ZFHX3: variants seen among roughly 807,000 people sequenced by gnomAD.
ZFHX3 encodes zinc finger homeobox 3.
A neutral mutation model predicts 279.1 loss-of-function variants in ZFHX3; 42 were observed. The ratio of observed to expected loss-of-function variants is 0.15; its 90% confidence interval spans 0.12 to 0.19. The LOEUF is 0.19. ZFHX3 is among the 10% of genes least tolerant of loss of function. The pLI is 1.00. For synonymous variants in ZFHX3, 2,293 were observed against 1,957.8 expected (o/e 1.17, Z -4.52); for missense variants, 4,981 against 4,754.0 (o/e 1.05, Z -1.40).
intron 2 of ZFHX3, among the ~76,000 whole-genome samples, chr16:73,526,086 C>T (rs1385873486): frequency 2.6e-5 from 4 of 152,284 alleles, no homozygotes; most frequent in Non-Finnish European, 2.9e-5. Flanking sequence ...GGTCCCTGTC[C>T]GGCACACAAT....
chr16:73,794,276 A>AC (rs898086384), intron 1 of ZFHX3: 21 of 151,860 alleles, frequency 1.4e-4, no homozygotes, highest in African/African-American at 4.8e-4. Context: ...CCATGAGGAG[A>AC]CCCCTAGGCC....
intron 3 of ZFHX3, among the ~76,000 whole-genome samples, chr16:72,932,005 T>A (rs1320480847): frequency 6.6e-6 from 1 of 152,342 alleles, no homozygotes; most frequent in African/African-American, 2.4e-5. Context: ...AAGCTGTGTA[T>A]TTCTAGATTG....
intron 4 of ZFHX3, among the ~76,000 whole-genome samples, chr16:72,836,553 C>G (rs533369534): frequency 6.6e-5 from 10 of 152,118 alleles, no homozygotes; most frequent in Non-Finnish European, 1.2e-4. Flanking sequence ...ACATCGTACA[C>G]TCAGCATCTT....
chr16:73,890,916 G>A (rs1200139522), intron 1 of ZFHX3, among the ~76,000 whole-genome samples: 2 of 151,588 alleles, frequency 1.3e-5, no homozygotes, highest in African/African-American at 2.4e-5. Context: ...CATTCTGTGA[G>A]CTGGTGACAT....
upstream of ZFHX3, among the ~76,000 whole-genome samples, chr16:73,063,609 C>T (rs1278163127): frequency 6.6e-6 from 1 of 151,904 alleles, no homozygotes; most frequent in East Asian, 1.9e-4. Context: ...TAAAAATCAC[C>T]CCCCCTCCCC....
chr16:73,670,037 C>G (rs923934191), intron 2 of ZFHX3, among the ~76,000 whole-genome samples: 1 of 152,078 alleles, frequency 6.6e-6, no homozygotes, highest in African/African-American at 2.4e-5. Context: ...GCAGCGACAC[C>G]AGGAAGGATA....
At chr16:73,297,063 G>C (rs1375182059) in intron 4 of ZFHX3, among the ~76,000 whole-genome samples, 2 of 151,544 alleles carry the variant, frequency 1.3e-5, no homozygotes, top group Non-Finnish European at 2.9e-5. Flanking sequence ...ATTTTTAGTA[G>C]AGACAGGGTT....
chr16:73,469,292 G>A (rs2018622470), intron 2 of ZFHX3, among the ~76,000 whole-genome samples: 1 of 152,164 alleles, frequency 6.6e-6, no homozygotes, highest in Non-Finnish European at 1.5e-5. Flanking sequence ...GAACTTCAGG[G>A]AAGCAGCAAG....
At chr16:73,613,462 G>C (rs1425958360) in intron 2 of ZFHX3, among the ~76,000 whole-genome samples, 4 of 150,682 alleles carry the variant, frequency 2.7e-5, no homozygotes. Context: ...TTGTTTTTTG[G>C]ATGTGAGGCA....
chr16:73,496,447 C>T (rs938290947), intron 2 of ZFHX3, among the ~76,000 whole-genome samples: 5 of 152,202 alleles, frequency 3.3e-5, no homozygotes, highest in Non-Finnish European at 7.3e-5. Context: ...AGGAGAATCG[C>T]TTGAACTGGG....
rs1394310083 is a variant in ZFHX3 at position 72,797,591 on chromosome 16, A to C, written c.5091T>G (p.Ile1697Met). 6.2e-7 allele frequency: 1 copy of C among 1,613,840 alleles called. No individual in the cohort carries two copies. Residue 1697 changes from isoleucine to methionine, a missense_variant, in exon 9 of 10, where the codon ATT becomes ATG. Around this residue, in one of 7 missense-constraint regions of ZFHX3, gnomAD observed 1,751 missense variants for 1,770.0 expected, o/e 0.99. Coordinates refer to ENST00000268489, the MANE Select transcript of ZFHX3 (RefSeq NM_006885.4). Reference sequence around the variant, plus strand: ...CTGAAGGGGAAGCAATGTTGGCACCAATAGGATTCCCCAGGGGTGGCATCC... The same window carrying C: ...CTGAAGGGGAAGCAATGTTGGCACCCATAGGATTCCCCAGGGGTGGCATCC... ...SVGMPPLGNPIGANIASPSEP... is the reference protein window; with the variant it reads ...SVGMPPLGNPMGANIASPSEP...
chr16:72,795,635 C>T lies in ZFHX3; in HGVS notation c.7047G>A (p.Lys2349=). 1 of 1,613,628 alleles carries T rather than the reference C, an allele frequency of 6.2e-7. No individual in the cohort carries two copies. Among genetic ancestry groups the T allele is most frequent in the East Asian group, 2.2e-5 (1 of 44,854 alleles). The change falls in exon 9 of 10, where the codon AAG becomes AAA. Residue 2349 remains lysine (K), a synonymous_variant. Transcript: ENST00000268489. ...CCTCATCCTCATCCTTGTAACACAG[C>T]TTCTTCTGGTGCTTGATGAGATCAA... ...RIFDLIKHQK[K]LCYKDEDEEG... is the part of the protein sequence containing the mutation.
intron 1 of ZFHX3, among the ~76,000 whole-genome samples, chr16:73,699,408 T>C (rs1323364133): frequency 1.3e-5 from 2 of 152,220 alleles, no homozygotes; most frequent in Non-Finnish European, 2.9e-5. Context: ...GGACTGCCTG[T>C]CTGTCTCAGT....
intron 3 of ZFHX3, among the ~76,000 whole-genome samples, chr16:72,913,475 GAGAAT>G (rs1163910965): frequency 6.6e-6 from 1 of 152,184 alleles, no homozygotes; most frequent in Non-Finnish European, 1.5e-5. Flanking sequence ...GATTTCTGGA[GAGAAT>G]GCCACCAAGG....
intron 7 of ZFHX3, among the ~76,000 whole-genome samples, chr16:73,101,681 C>A (rs1388266151): frequency 2.6e-5 from 4 of 151,690 alleles, no homozygotes; most frequent in Non-Finnish European, 5.9e-5. Flanking sequence ...GGATTACAGG[C>A]GTGAGCCACT....
At chr16:72,969,253 G>A (rs182632774) in intron 1 of ZFHX3, among the ~76,000 whole-genome samples, 12 of 152,248 alleles carry the variant, frequency 7.9e-5, no homozygotes, top group Non-Finnish European at 1.5e-4. Context: ...ACAGAGAGGT[G>A]TAGAGAGACA....
chr16:72,984,289 A>C (rs1567618583), intron 1 of ZFHX3, among the ~76,000 whole-genome samples: 1 of 152,068 alleles, frequency 6.6e-6, no homozygotes, highest in Non-Finnish European at 1.5e-5. Flanking sequence ...TTCCTCCTCC[A>C]TTCCCCAGTG....
At chr16:73,051,611 C>A (rs551294828), upstream of ZFHX3, among the ~76,000 whole-genome samples, 6 of 152,328 alleles carry the variant, frequency 3.9e-5, no homozygotes, top group East Asian at 1.9e-4. Context: ...CTTACCCACC[C>A]TCCCCAGCTC....
At chr16:73,375,034 T>C (rs1711258767) in intron 3 of ZFHX3, among the ~76,000 whole-genome samples, 1 of 152,224 alleles carries the variant, frequency 6.6e-6, no homozygotes, top group Non-Finnish European at 1.5e-5. Context: ...GTTCACAAAA[T>C]GGGCATCTTA....
Sources: allele counts gnomAD v4.1 joint callset (sites outside exome capture counted in the v4.1 genomes callset), GRCh38; gene constraint gnomAD v4.1.1; regional missense constraint gnomAD v4.1.1; transcripts MANE v1.5; gene names NCBI Gene and HGNC (gene_info 2026-07-23, HGNC 2026-07-21).